Variants in CADM2 observed in about 807,000 individuals in gnomAD.
CADM2 encodes cell adhesion molecule 2, also known as immunoglobulin superfamily member 4D.
In CADM2, 12 loss-of-function variants were observed where a neutral mutation model predicts 49.8. That is an observed-to-expected ratio of 0.24 (90% CI 0.15 to 0.39). The LOEUF (loss-of-function observed/expected upper bound fraction) is 0.39. Ranked by LOEUF, CADM2 falls within the 10% of genes least tolerant of loss-of-function variation. The pLI is 1.00. For synonymous variants in CADM2, 214 were observed against 175.4 expected (o/e 1.22, Z -1.74); for missense variants, 378 against 492.3 (o/e 0.77, Z 2.20).
chr3:85,006,617 G>A (rs2033743720), intron 1 of CADM2, among the ~76,000 whole-genome samples: 1 of 151,928 alleles, frequency 6.6e-6, no homozygotes, highest in Non-Finnish European at 1.5e-5. Context: ...TGCATGCCTG[G>A]TTTGATTATC....
intron 1 of CADM2, among the ~76,000 whole-genome samples, chr3:85,497,658 A>C (rs901078139): frequency 6.6e-6 from 1 of 152,092 alleles, no homozygotes; most frequent in Non-Finnish European, 1.5e-5. Flanking sequence ...GGTATGTTTT[A>C]TCAAAGAACA....
intron 1 of CADM2, among the ~76,000 whole-genome samples, chr3:85,052,026 A>G (rs1248145059): frequency 1.3e-5 from 2 of 152,170 alleles, no homozygotes; most frequent in South Asian, 2.1e-4. Context: ...GAATTTCACA[A>G]TAACTGCCTA....
At chr3:86,003,422 C>T (rs901487765) in intron 8 of CADM2, among the ~76,000 whole-genome samples, 1 of 152,122 alleles carries the variant, frequency 6.6e-6, no homozygotes, top group Non-Finnish European at 1.5e-5. Flanking sequence ...GGAAGATCAG[C>T]TTAACTTGCA....
chr3:85,065,763 A>T (rs2036506254), intron 1 of CADM2, among the ~76,000 whole-genome samples: 1 of 152,194 alleles, frequency 6.6e-6, no homozygotes, highest in Non-Finnish European at 1.5e-5. Context: ...TTCATAAAAC[A>T]ATTATTTGCT....
intron 1 of CADM2, among the ~76,000 whole-genome samples, chr3:85,368,778 G>T (rs1290203972): frequency 6.6e-6 from 1 of 151,962 alleles, no homozygotes; most frequent in Non-Finnish European, 1.5e-5. Flanking sequence ...GTAAACAGAA[G>T]AATAGAAAAG....
intron 1 of CADM2, among the ~76,000 whole-genome samples, chr3:85,461,019 T>G (rs2038221436): frequency 6.6e-6 from 1 of 152,158 alleles, no homozygotes; most frequent in African/African-American, 2.4e-5. Context: ...TCAGTTTTTG[T>G]TCTATTATTT....
intron 8 of CADM2, among the ~76,000 whole-genome samples, chr3:86,064,885 G>A (rs558529262): frequency 6.6e-6 from 1 of 152,132 alleles, no homozygotes; most frequent in East Asian, 1.9e-4. Context: ...AAGTTCCACC[G>A]GCATCTAAAT....
At chr3:85,327,600 C>A (rs554372083) in intron 1 of CADM2, among the ~76,000 whole-genome samples, 1 of 147,910 alleles carries the variant, frequency 6.8e-6, no homozygotes, top group African/African-American at 2.5e-5. Flanking sequence ...CACACACACA[C>A]ACACATAAAC....
intron 1 of CADM2, among the ~76,000 whole-genome samples, chr3:85,085,631 TTTC>T (rs1164750641): frequency 9.9e-5 from 15 of 152,268 alleles, no homozygotes; most frequent in African/African-American, 3.6e-4. Flanking sequence ...TTAGTTAGTT[TTTC>T]TTTACAAGTC....
At chr3:85,814,731 A>G (rs961633178) in intron 3 of CADM2, among the ~76,000 whole-genome samples, 1 of 152,062 alleles carries the variant, frequency 6.6e-6, no homozygotes, top group Non-Finnish European at 1.5e-5. Flanking sequence ...ATCAGAGAAT[A>G]CTATAGAAAT....
In CADM2 at chr3:85,935,655, A is replaced by G. The variant is rs191061468; in HGVS notation, c.701-112A>G. ...TCTAAGAAATCCTTTATAAATATAC[A>G]CAATTATAAATAATATATAAGAAAT... On this transcript the variant is annotated intron_variant, in intron 6 of 9. Coordinates refer to ENST00000383699, the MANE Select transcript of CADM2 (RefSeq NM_001167675.2). 15 of 454,232 alleles carry G rather than the reference A, an allele frequency of 3.3e-5. No individual in the cohort carries two copies. The South Asian group carries it at 1.1e-3, about 32-fold the overall frequency. The allele number at this position is 454,232 out of a possible 1,614,324, so 28.1% of individuals were successfully genotyped here.
At chr3:85,910,876 T>A (rs151280801) in intron 5 of CADM2, among the ~76,000 whole-genome samples, 1,840 of 152,170 alleles carry the variant, frequency 0.012, 47 homozygotes, top group South Asian at 0.093. Flanking sequence ...ATCAATATGA[T>A]AAAGTCATAC....
chr3:85,342,927 A>G (rs567076358), intron 1 of CADM2, among the ~76,000 whole-genome samples: 2 of 152,184 alleles, frequency 1.3e-5, no homozygotes, highest in Non-Finnish European at 2.9e-5. Context: ...TGAACTTCAC[A>G]TTATAGAATT....
chr3:85,749,093 C>A (rs2068751593), intron 2 of CADM2, among the ~76,000 whole-genome samples: 1 of 151,636 alleles, frequency 6.6e-6, no homozygotes, highest in African/African-American at 2.4e-5. Flanking sequence ...CTACAAGGAA[C>A]AGATTTGCAC....
chr3:85,379,127 A>T (rs1277587191), intron 1 of CADM2, among the ~76,000 whole-genome samples: 1 of 151,942 alleles, frequency 6.6e-6, no homozygotes, highest in African/African-American at 2.4e-5. Flanking sequence ...TAATAATATG[A>T]GGTGGATTGA....
intron 1 of CADM2, among the ~76,000 whole-genome samples, chr3:85,670,119 T>C (rs1187320993): frequency 6.6e-6 from 1 of 152,148 alleles, no homozygotes. Context: ...AATTTTACAT[T>C]ACAAATACTT....
intron 8 of CADM2, among the ~76,000 whole-genome samples, chr3:85,963,489 T>C (rs760670769): frequency 2.0e-5 from 3 of 151,848 alleles, no homozygotes; most frequent in African/African-American, 4.8e-5. Flanking sequence ...CATGCAGTCA[T>C]GTAAGGAAAG....
At chr3:85,479,709 T>C (rs2039129926) in intron 1 of CADM2, among the ~76,000 whole-genome samples, 1 of 152,058 alleles carries the variant, frequency 6.6e-6, no homozygotes, top group East Asian at 1.9e-4. Context: ...CAGAGCTATC[T>C]TTATAACAGA....
chr3:85,531,972 T>G (rs575566097), intron 1 of CADM2, among the ~76,000 whole-genome samples: 1 of 152,262 alleles, frequency 6.6e-6, no homozygotes, highest in Non-Finnish European at 1.5e-5. Context: ...GGTCAGGAGA[T>G]GGAGACCATC....
Sources: gnomAD v4.1 joint callset for allele counts (sites outside exome capture counted in the v4.1 genomes callset) on GRCh38, gnomAD v4.1.1 for gene constraint, MANE v1.5 for transcripts, NCBI Gene and HGNC (gene_info 2026-07-23, HGNC 2026-07-21) for gene names.